The following SMIM3 variants were observed in gnomAD, a reference collection of about 807,000 sequenced individuals.
SMIM3 encodes the protein small integral membrane protein 3.
Under a neutral mutation model 2.1 loss-of-function variants are expected in SMIM3, and 4 were observed. The observed-to-expected ratio is 1.89, with a 90% CI of 0.93 to 4.31. The LOEUF is 4.31. SMIM3 is among the 30% of genes most tolerant of loss of function. The pLI, the probability that SMIM3 is intolerant of heterozygous loss-of-function variation, is 0.01. For synonymous variants in SMIM3, 29 were observed against 30.8 expected (o/e 0.94, Z 0.19); for missense variants, 79 against 77.7 (o/e 1.02, Z -0.06).
At chr5:150,788,295 T>C (rs556711750) in intron 1 of SMIM3, among the ~76,000 whole-genome samples, 1 of 152,210 alleles carries the variant, frequency 6.6e-6, no homozygotes, top group Admixed American at 6.5e-5. Context: ...GGGCTTCCCT[T>C]TGCCTGCCTA....
At position 150,795,481 on chromosome 5, in the gene SMIM3, C is replaced by CAG. The variant is rs749205561; in HGVS notation, c.41_42insAG (p.Lys15AlafsTer21). The stretch of plus-strand genomic sequence containing the variant: ...CAAGTCCCCATGGAAGTCGTGCTTC[C>CAG]CAAGCACATCCTGGATATCTGGGTT... On this transcript the variant is annotated frameshift_variant, in exon 2 of 2. Transcript: ENST00000526627. LOFTEE classifies it high-confidence loss of function. 3.1e-6 allele frequency: 5 copies of CAG among 1,613,894 alleles called. No individual in the cohort carries two copies. In the Admixed American group the frequency reaches 8.3e-5, roughly 27 times the overall value.
At chr5:150,791,542 A>G (rs1329465146) in intron 1 of SMIM3, among the ~76,000 whole-genome samples, 1 of 152,186 alleles carries the variant, frequency 6.6e-6, no homozygotes, top group Non-Finnish European at 1.5e-5. Flanking sequence ...ATCCTTTAGC[A>G]TAATGTCCTC....
intron 1 of SMIM3, among the ~76,000 whole-genome samples, chr5:150,788,693 A>G (rs1411364363): frequency 6.6e-6 from 1 of 151,960 alleles, no homozygotes; most frequent in African/African-American, 2.4e-5. Flanking sequence ...TAGAAACTAC[A>G]TTGCTTTTCC....
intron 1 of SMIM3, among the ~76,000 whole-genome samples, chr5:150,780,548 A>G (rs1408534950): frequency 6.6e-6 from 1 of 152,172 alleles, no homozygotes; most frequent in African/African-American, 2.4e-5. Flanking sequence ...CCATGACACT[A>G]AAGATCTGGG....
intron 1 of SMIM3, among the ~76,000 whole-genome samples, chr5:150,787,528 G>C (rs1753306066): frequency 6.6e-6 from 1 of 152,108 alleles, no homozygotes. Context: ...GGGTCTGTGT[G>C]GACTCTTTGG....
intron 1 of SMIM3, among the ~76,000 whole-genome samples, chr5:150,781,460 G>A (rs1456605103): frequency 6.6e-6 from 1 of 152,190 alleles, no homozygotes; most frequent in Non-Finnish European, 1.5e-5. Context: ...TTAAACAACA[G>A]CAAGCTAGAT....
chr5:150,795,619 T>C lies in SMIM3; in HGVS notation c.179T>C (p.Val60Ala). ...MRTHPILSGA[V>A] The stretch of plus-strand genomic sequence containing the variant: ...ACTCATCCGATCCTTAGTGGGGCTG[T>C]TTGAGAGCCTCCCAAGAGGGCCGGG... Residue 60 changes from valine (V) to alanine (A), a missense_variant, in exon 2 of 2, where the codon GTT becomes GCT. By Grantham distance (64) the Val-to-Ala change is moderately conservative. Coordinates refer to ENST00000526627, the MANE Select transcript of SMIM3 (RefSeq NM_032947.5). 6.5e-7 allele frequency: 1 copy of C among 1,544,792 alleles called. No homozygotes were observed.
intron 1 of SMIM3, among the ~76,000 whole-genome samples, chr5:150,783,302 T>C (rs576190898): frequency 1.4e-4 from 22 of 152,368 alleles, no homozygotes; most frequent in Admixed American, 5.2e-4. Flanking sequence ...CCATTCTTCC[T>C]TGACAACCTC....
At chr5:150,790,509 G>C (rs1753339215) in intron 1 of SMIM3, among the ~76,000 whole-genome samples, 1 of 152,100 alleles carries the variant, frequency 6.6e-6, no homozygotes, top group African/African-American at 2.4e-5. Flanking sequence ...CTGAGACAGG[G>C]CCAGCCTGTG....
intron 1 of SMIM3, among the ~76,000 whole-genome samples, chr5:150,791,108 G>C (rs1753344706): frequency 6.6e-6 from 1 of 152,198 alleles, no homozygotes; most frequent in South Asian, 2.1e-4. Context: ...TCCTAGTCCA[G>C]CTCCCGAAAA....
At chr5:150,784,119 A>G (rs1753265782) in intron 1 of SMIM3, among the ~76,000 whole-genome samples, 1 of 151,808 alleles carries the variant, frequency 6.6e-6, no homozygotes, top group South Asian at 2.1e-4. Context: ...GGGTTTTACC[A>G]TGTTGGCCAG....
At chr5:150,794,679 GA>G (rs1482018382) in intron 1 of SMIM3, among the ~76,000 whole-genome samples, 1 of 152,176 alleles carries the variant, frequency 6.6e-6, no homozygotes, top group Non-Finnish European at 1.5e-5. Flanking sequence ...AAGAGTGGGA[GA>G]GGGGCAGACT....
At chr5:150,792,032 G>T (rs1431772426) in intron 1 of SMIM3, among the ~76,000 whole-genome samples, 1 of 152,132 alleles carries the variant, frequency 6.6e-6, no homozygotes, top group Admixed American at 6.5e-5. Flanking sequence ...GACACTTGTT[G>T]TGTCTGTTGC....
At chr5:150,779,247 C>G (rs1481811591) in intron 1 of SMIM3, among the ~76,000 whole-genome samples, 1 of 152,154 alleles carries the variant, frequency 6.6e-6, no homozygotes, top group African/African-American at 2.4e-5. Context: ...AACCCCAGCC[C>G]CACTCGGAGA....
intron 1 of SMIM3, among the ~76,000 whole-genome samples, chr5:150,788,079 T>A (rs113212973): frequency 1.5e-4 from 23 of 152,332 alleles, no homozygotes; most frequent in African/African-American, 5.3e-4. Flanking sequence ...AACACAGGCT[T>A]GTTGCCTTGA....
chr5:150,790,341 C>T (rs920316360), intron 1 of SMIM3, among the ~76,000 whole-genome samples: 1 of 152,122 alleles, frequency 6.6e-6, no homozygotes, highest in Non-Finnish European at 1.5e-5. Context: ...GGAAAGGACT[C>T]TTGTGGGGTT....
At chr5:150,779,829 A>AGGGGGGGGGGGGGGCCCCC in intron 1 of SMIM3, among the ~76,000 whole-genome samples, 1 of 111,120 alleles carries the variant, frequency 9.0e-6, no homozygotes, top group African/African-American at 3.4e-5. Context: ...GAAAGGTGTA[A>AGGGGGGGGGGGGGGCCCCC]CCCCCCCCGC....
chr5:150,785,932 G>C (rs1326638507), intron 1 of SMIM3, among the ~76,000 whole-genome samples: 1 of 152,080 alleles, frequency 6.6e-6, no homozygotes, highest in Non-Finnish European at 1.5e-5. Context: ...ATTCTGCTAG[G>C]AGTTCATGGG....
At chr5:150,792,311 G>A (rs1316302502) in intron 1 of SMIM3, among the ~76,000 whole-genome samples, 3 of 152,230 alleles carry the variant, frequency 2.0e-5, no homozygotes, top group Non-Finnish European at 4.4e-5. Context: ...GGCAGGGAAT[G>A]TATTATATCG....
Sources: gnomAD v4.1 joint callset for allele counts (sites outside exome capture counted in the v4.1 genomes callset) on GRCh38, gnomAD v4.1.1 for gene constraint, MANE v1.5 for transcripts, NCBI Gene and HGNC (gene_info 2026-07-23, HGNC 2026-07-21) for gene names.